KCNN2: variants seen among roughly 807,000 people sequenced by gnomAD.
The protein encoded by KCNN2 is small conductance calcium-activated potassium channel protein 2.
A neutral mutation model predicts 55.5 loss-of-function variants in KCNN2; 24 were observed. That is an observed-to-expected ratio of 0.43 (90% CI 0.31 to 0.61). KCNN2 has a LOEUF of 0.61. Ranked by LOEUF, KCNN2 falls within the 20% of genes least tolerant of loss-of-function variation. The pLI is 0.08. For synonymous variants in KCNN2, 431 were observed against 336.1 expected (o/e 1.28, Z -3.09); for missense variants, 754 against 853.6 (o/e 0.88, Z 1.45).
At chr5:114,200,577 T>C (rs995768686) in intron 1 of KCNN2, among the ~76,000 whole-genome samples, 4 of 152,194 alleles carry the variant, frequency 2.6e-5, no homozygotes, top group African/African-American at 9.6e-5. Flanking sequence ...GATGGTATCA[T>C]ATTTCCTTGC....
intron 5 of KCNN2, among the ~76,000 whole-genome samples, chr5:114,484,154 G>A (rs189403011): frequency 4.9e-4 from 74 of 152,194 alleles, no homozygotes; most frequent in African/African-American, 1.3e-3. Context: ...TATTTAGTAC[G>A]AGCTGTGCCT....
rs191994821 is a variant in KCNN2, at chr5:114,489,507, G to A, written c.2018+2330G>A. Among the ~76,000 whole-genome samples the A allele has an allele frequency of 2.0e-5, 3 of 152,184 alleles. No individual in the cohort carries two copies. The East Asian group carries it at 5.8e-4, about 29-fold the overall frequency. On this transcript the variant is annotated intron_variant, in intron 6 of 7. Transcript: ENST00000673685. Reference sequence around the variant, plus strand: ...AGATATTTCTTATTCTGTTTCTTCTGTAGCAATGTGTACTTCTAAAGTAGA... The same window carrying A: ...AGATATTTCTTATTCTGTTTCTTCTATAGCAATGTGTACTTCTAAAGTAGA...
chr5:114,461,148 G>A (rs1761171482), intron 3 of KCNN2, among the ~76,000 whole-genome samples: 2 of 152,154 alleles, frequency 1.3e-5, no homozygotes, highest in Admixed American at 1.3e-4. Context: ...ACAGAATCCT[G>A]CTTAGCTCAT....
chr5:114,308,586 G>C (rs531793464), intron 2 of KCNN2, among the ~76,000 whole-genome samples: 4 of 152,260 alleles, frequency 2.6e-5, no homozygotes, highest in African/African-American at 9.6e-5. Flanking sequence ...AGAACAGGAA[G>C]CAATAGCACA....
chr5:114,471,112 A>C (rs1408480218), intron 4 of KCNN2, among the ~76,000 whole-genome samples: 1 of 152,190 alleles, frequency 6.6e-6, no homozygotes, highest in East Asian at 1.9e-4. Flanking sequence ...CTTGCTTTGA[A>C]ATACAGTGCT....
chr5:114,057,364 G>C (rs1302424105), intron 1 of KCNN2, among the ~76,000 whole-genome samples: 1 of 152,188 alleles, frequency 6.6e-6, no homozygotes, highest in East Asian at 1.9e-4. Context: ...CTTTTTTACA[G>C]ATGGGGTAAC....
At chr5:114,339,272 C>G (rs368540730) in intron 2 of KCNN2, among the ~76,000 whole-genome samples, 2 of 152,156 alleles carry the variant, frequency 1.3e-5, no homozygotes, top group Admixed American at 6.5e-5. Context: ...AAAACCCCGG[C>G]CCCCTTTCCA....
chr5:114,260,417 C>T (rs1755079438), intron 2 of KCNN2, among the ~76,000 whole-genome samples: 1 of 152,176 alleles, frequency 6.6e-6, no homozygotes, highest in Admixed American at 6.5e-5. Context: ...TTCCTCTAGA[C>T]TTTTTCATAT....
intron 1 of KCNN2, among the ~76,000 whole-genome samples, chr5:114,151,022 AAAAC>A (rs1037782523): frequency 3.9e-5 from 6 of 152,148 alleles, no homozygotes; most frequent in Admixed American, 6.5e-5. Flanking sequence ...ACTGTGTCTC[AAAAC>A]AAACAAACAA....
At chr5:114,482,551 A>C (rs1438198508) in intron 5 of KCNN2, among the ~76,000 whole-genome samples, 1 of 152,200 alleles carries the variant, frequency 6.6e-6, no homozygotes, top group African/African-American at 2.4e-5. Flanking sequence ...AATATAAATC[A>C]TTCTATTATA....
At chr5:114,122,512 T>G (rs1751846884) in intron 1 of KCNN2, among the ~76,000 whole-genome samples, 1 of 152,200 alleles carries the variant, frequency 6.6e-6, no homozygotes, top group African/African-American at 2.4e-5. Flanking sequence ...CTATTACGTT[T>G]TAAAGATCAA....
intron 6 of KCNN2, 26 bp downstream of exon 6, chr5:114,487,203 C>T: frequency 6.2e-7 from 1 of 1,607,484 alleles, no homozygotes; most frequent in Non-Finnish European, 8.5e-7. Flanking sequence ...CATTTTTATC[C>T]TGTTGTTGTG....
chr5:114,399,872 G>C (rs548924574), intron 2 of KCNN2, among the ~76,000 whole-genome samples: 2 of 147,390 alleles, frequency 1.4e-5, no homozygotes, highest in East Asian at 3.9e-4. Context: ...TTTCCTCTAA[G>C]TTTTCTAGCC....
intron 7 of KCNN2, among the ~76,000 whole-genome samples, chr5:114,494,913 A>G (rs1748039799): frequency 6.6e-6 from 1 of 152,160 alleles, no homozygotes; most frequent in Admixed American, 6.5e-5. Flanking sequence ...AGAAGAGCAT[A>G]TGATAGAAGG....
At chr5:114,432,491 A>G (rs928670850) in intron 3 of KCNN2, among the ~76,000 whole-genome samples, 2 of 152,122 alleles carry the variant, frequency 1.3e-5, no homozygotes, top group Non-Finnish European at 2.9e-5. Context: ...CTTGTGGACA[A>G]CACATGGTTG....
At chr5:114,105,050 T>C (rs548877571) in intron 1 of KCNN2, among the ~76,000 whole-genome samples, 1 of 152,206 alleles carries the variant, frequency 6.6e-6, no homozygotes, top group South Asian at 2.1e-4. Context: ...AACAGGTTCA[T>C]TCATCACGAG....
chr5:114,061,702 G>A (rs566950533), intron 1 of KCNN2, among the ~76,000 whole-genome samples: 1 of 152,242 alleles, frequency 6.6e-6, no homozygotes, highest in African/African-American at 2.4e-5. Flanking sequence ...ATTCAGGTGG[G>A]TTTGTGCAAC....
chr5:114,180,587 A>G (rs1437858692), intron 1 of KCNN2, among the ~76,000 whole-genome samples: 1 of 152,180 alleles, frequency 6.6e-6, no homozygotes, highest in South Asian at 2.1e-4. Flanking sequence ...TATTATATTA[A>G]TGTCAAAGAA....
chr5:114,199,667 G>A (rs1308929571), intron 1 of KCNN2, among the ~76,000 whole-genome samples: 2 of 151,578 alleles, frequency 1.3e-5, no homozygotes, highest in Admixed American at 1.3e-4. Context: ...CCATGTTTGA[G>A]ACTCCTTTAG....
Sources: allele counts gnomAD v4.1 joint callset (sites outside exome capture counted in the v4.1 genomes callset), GRCh38; gene constraint gnomAD v4.1.1; transcripts MANE v1.5; gene names NCBI Gene and HGNC (gene_info 2026-07-23, HGNC 2026-07-21).